LONP2: variants seen among roughly 807,000 people sequenced by gnomAD.
The protein encoded by LONP2 is lon peptidase 2, peroxisomal, also known as lon protease homolog 2, peroxisomal.
LONP2 carries 60 observed loss-of-function variants against 85.6 expected under a neutral mutation model. That is an observed-to-expected ratio of 0.70 (90% CI 0.57 to 0.87). The LOEUF is 0.87. LONP2 is among the 40% of genes least tolerant of loss of function. LONP2 has a pLI of 0.00. For synonymous variants in LONP2, 395 were observed against 389.7 expected (o/e 1.01, Z -0.16); for missense variants, 860 against 1,063.5 (o/e 0.81, Z 2.66).
At chr16:48,307,234 G>T (rs1035679145) in intron 11 of LONP2, among the ~76,000 whole-genome samples, 1 of 152,186 alleles carries the variant, frequency 6.6e-6, no homozygotes, top group Non-Finnish European at 1.5e-5. Context: ...TATGAGAATT[G>T]TTTCTTTAAA....
At chr16:48,359,231 TG>T (rs1960485513), downstream of LONP2, among the ~76,000 whole-genome samples, 1 of 152,224 alleles carries the variant, frequency 6.6e-6, no homozygotes, top group African/African-American at 2.4e-5. Flanking sequence ...CTCAAAGTGC[TG>T]GGATTACAGG....
At chr16:48,259,657 A>G (rs899017133) in intron 4 of LONP2, among the ~76,000 whole-genome samples, 2 of 152,112 alleles carry the variant, frequency 1.3e-5, no homozygotes, top group Non-Finnish European at 2.9e-5. Context: ...GAAGGGAAGA[A>G]CTCCTCCCCG....
At chr16:48,336,700 C>G (rs1304629554) in intron 12 of LONP2, among the ~76,000 whole-genome samples, 1 of 152,130 alleles carries the variant, frequency 6.6e-6, no homozygotes, top group Non-Finnish European at 1.5e-5. Flanking sequence ...TAAGGTGGGA[C>G]AGAAACAAAT....
At chr16:48,267,009 A>C (rs961968147) in intron 6 of LONP2, among the ~76,000 whole-genome samples, 1 of 152,156 alleles carries the variant, frequency 6.6e-6, no homozygotes, top group African/African-American at 2.4e-5. Context: ...GTGGTAGTAA[A>C]TTTATTTTTA....
intron 4 of LONP2, 31 bp downstream of exon 4, chr16:48,258,771 T>C: frequency 6.4e-7 from 1 of 1,566,274 alleles, no homozygotes; most frequent in Non-Finnish European, 8.6e-7. Context: ...ATTTCAGTTT[T>C]GAAAAAAAAA....
intron 6 of LONP2, among the ~76,000 whole-genome samples, chr16:48,267,894 G>T (rs990293903): frequency 6.6e-6 from 1 of 152,186 alleles, no homozygotes; most frequent in South Asian, 2.1e-4. Flanking sequence ...GGGATTACAG[G>T]TGTGAGCCAC....
At chr16:48,333,209 G>A (rs2151023838) in intron 11 of LONP2, among the ~76,000 whole-genome samples, 1 of 152,276 alleles carries the variant, frequency 6.6e-6, no homozygotes, top group East Asian at 1.9e-4. Context: ...GAATTACAAA[G>A]ATTGATACAG....
chr16:48,360,176 G>A (rs1212140379), downstream of LONP2, among the ~76,000 whole-genome samples: 1 of 152,260 alleles, frequency 6.6e-6, no homozygotes, highest in Non-Finnish European at 1.5e-5. Flanking sequence ...GGGTAGAGCC[G>A]AGACTGGCAC....
At chr16:48,290,995 T>G (rs1173538345) in intron 8 of LONP2, among the ~76,000 whole-genome samples, 1 of 152,252 alleles carries the variant, frequency 6.6e-6, no homozygotes, top group East Asian at 1.9e-4. Flanking sequence ...ACTTTGGTGA[T>G]TCCAAGGATT....
intron 11 of LONP2, among the ~76,000 whole-genome samples, chr16:48,332,208 C>G (rs1002510832): frequency 2.0e-5 from 3 of 152,176 alleles, no homozygotes; most frequent in African/African-American, 7.2e-5. Context: ...ATTAAACATA[C>G]TCTGTAATCA....
chr16:48,345,073 T>C (rs1193777068), intron 12 of LONP2: 2 of 152,054 alleles, frequency 1.3e-5, no homozygotes, highest in Non-Finnish European at 2.9e-5. Flanking sequence ...ATACAAAAAT[T>C]AGCCGGGCAT....
chr16:48,283,880 A>G (rs1366137444), intron 8 of LONP2, among the ~76,000 whole-genome samples: 1 of 152,190 alleles, frequency 6.6e-6, no homozygotes, highest in East Asian at 1.9e-4. Flanking sequence ...AGTACATTGA[A>G]AACCCCTAGA....
At chr16:48,314,592 A>G (rs1359460726) in intron 11 of LONP2, among the ~76,000 whole-genome samples, 2 of 152,134 alleles carry the variant, frequency 1.3e-5, no homozygotes, top group African/African-American at 2.4e-5. Flanking sequence ...GGTTACTAGT[A>G]CAAAAACAGA....
rs28848294 is a variant in LONP2 at position 48,285,658 on chromosome 16, G to A, written c.1383+8179G>A. On this transcript the variant is annotated intron_variant, in intron 8 of 14. Transcript: ENST00000285737. ...TGAATTTTTCATTCAAATTACTGTA[G>A]TTTTCAACTCCAAAATTTCTATTTT... Among the ~76,000 whole-genome samples, 665 of 151,892 alleles carry A rather than the reference G, an allele frequency of 4.4e-3. 4 individuals carry two copies. The highest frequency in any genetic ancestry group is 0.015 in the African/African-American group (630 of 41,420).
At chr16:48,245,802 A>C (rs900473360) in intron 1 of LONP2, among the ~76,000 whole-genome samples, 3 of 152,178 alleles carry the variant, frequency 2.0e-5, no homozygotes, top group Non-Finnish European at 4.4e-5. Flanking sequence ...CTAAAATTTT[A>C]TATGTGGTCC....
chr16:48,357,836 A>G (rs1427602771), downstream of LONP2, among the ~76,000 whole-genome samples: 2 of 152,224 alleles, frequency 1.3e-5, no homozygotes, highest in Non-Finnish European at 2.9e-5. Flanking sequence ...TTAAAATCAT[A>G]CATATTACAA....
At chr16:48,267,686 G>A (rs1332047309) in intron 6 of LONP2, among the ~76,000 whole-genome samples, 1 of 152,066 alleles carries the variant, frequency 6.6e-6, no homozygotes, top group East Asian at 1.9e-4. Flanking sequence ...TGTGATCTCA[G>A]CTCACTGCAA....
intron 14 of LONP2, among the ~76,000 whole-genome samples, chr16:48,350,448 A>T (rs554188044): frequency 3.9e-5 from 6 of 152,316 alleles, no homozygotes; most frequent in Admixed American, 2.6e-4. Context: ...AGTCTTGTAT[A>T]CATGGCCTTA....
chr16:48,283,586 T>C (rs1282737121), intron 8 of LONP2, among the ~76,000 whole-genome samples: 2 of 152,220 alleles, frequency 1.3e-5, no homozygotes, highest in South Asian at 2.1e-4. Context: ...GTTTATAGCA[T>C]GGTTTTACTA....
Sources: gnomAD v4.1 joint callset for allele counts (sites outside exome capture counted in the v4.1 genomes callset) on GRCh38, gnomAD v4.1.1 for gene constraint, MANE v1.5 for transcripts, NCBI Gene and HGNC (gene_info 2026-07-23, HGNC 2026-07-21) for gene names.